HGF: variants seen among roughly 807,000 people sequenced by gnomAD.
HGF encodes the protein fibroblast-derived tumor cytotoxic factor.
HGF carries 39 observed loss-of-function variants against 111.6 expected under a neutral mutation model. That is an observed-to-expected ratio of 0.35 (90% CI 0.27 to 0.46). The LOEUF is 0.46. Ranked by LOEUF, HGF falls within the 20% of genes least tolerant of loss-of-function variation. The pLI is 1.00. For missense variants in HGF, 735 were observed against 910.5 expected (o/e 0.81, Z 2.48); for synonymous variants, 285 against 294.8 (o/e 0.97, Z 0.34).
chr7:81,736,932 G>GTGTGTGTGGTC lies in HGF; in HGVS notation c.865+6420_865+6421insGACCACACACA, dbSNP rs1787850350. On this transcript the variant is annotated intron_variant, in intron 7 of 17. Coordinates refer to ENST00000222390, the MANE Select transcript of HGF (RefSeq NM_000601.6). ...GTGTGTGTGTGTGTGTGTGTGTGGTGTTCTATAGATGAGGAATGATATACT... is the reference window on the plus strand; with the variant it reads ...GTGTGTGTGTGTGTGTGTGTGTGGTGTGTGTGTGGTCTTCTATAGATGAGGAATGATATACT... Among the ~76,000 whole-genome samples the GTGTGTGTGGTC allele has an allele frequency of 9.8e-5, 5 of 50,980 alleles. No homozygotes were observed. In the Admixed American group the frequency reaches 1.2e-3, roughly 12 times the overall value. 33.4% of individuals were successfully genotyped at this position (50,980 alleles called of 152,430 possible). A position where few individuals can be genotyped will look rare whatever the true frequency, so the allele number is the denominator to read the frequency against.
chr7:81,735,330 A>G (rs531675557), intron 7 of HGF, among the ~76,000 whole-genome samples: 1 of 152,196 alleles, frequency 6.6e-6, no homozygotes, highest in Admixed American at 6.6e-5. Context: ...CTTCAATTCT[A>G]TAGCCTTATT....
chr7:81,742,636 G>C lies in HGF; in HGVS notation c.865+717C>G, dbSNP rs117912534. On this transcript the variant is annotated intron_variant, in intron 7 of 17. Transcript: ENST00000222390. ...GTTTAAGAGAACAGTGAAAATGTGT[G>C]ACTTAACCATAGAGGAGAGGACCAA... 268 of 1,034,398 alleles carry C rather than the reference G, an allele frequency of 2.6e-4. 1 individual carries two copies. In the East Asian group the frequency reaches 9.2e-3, roughly 36 times the overall value. The allele number at this position is 1,034,398 out of a possible 1,614,324, so 64.1% of individuals were successfully genotyped here. A position where few individuals can be genotyped will look rare whatever the true frequency, so the allele number is the denominator to read the frequency against.
At chr7:81,705,255 A>C in intron 17 of HGF, 135 bp downstream of exon 17, 1 of 807,836 alleles carries the variant, frequency 1.2e-6, no homozygotes, top group Non-Finnish European at 2.1e-6. Flanking sequence ...TTACAGAGTT[A>C]ATTTTCCCAA....
intron 4 of HGF, chr7:81,755,340 A>G (rs978894146): frequency 6.6e-6 from 1 of 152,168 alleles, no homozygotes; most frequent in African/African-American, 2.4e-5. Flanking sequence ...GTGTTAAACC[A>G]TCATGCAGAT....
intron 1 of HGF, among the ~76,000 whole-genome samples, chr7:81,765,132 A>G (rs1789294640): frequency 6.6e-6 from 1 of 152,118 alleles, no homozygotes; most frequent in South Asian, 2.1e-4. Context: ...CCTAAAAATC[A>G]AAAAGTCTAA....
Position 81,700,787 on chromosome 7 carries a change from G to C in HGF, c.*1794C>G, listed in dbSNP as rs1238365826. 1 of 151,448 alleles carries C rather than the reference G, an allele frequency of 6.6e-6. No homozygotes were observed. The highest frequency in any genetic ancestry group is 1.9e-4 in the East Asian group (1 of 5,154). The allele number at this position is 151,448 out of a possible 1,614,324, so 9.4% of individuals were successfully genotyped here. A position where few individuals can be genotyped will look rare whatever the true frequency, so the allele number is the denominator to read the frequency against. On this transcript the variant is annotated 3_prime_UTR_variant, in exon 18 of 18. Coordinates refer to ENST00000222390, the MANE Select transcript of HGF (RefSeq NM_000601.6). ...TTCCACTTTAAGTTTCTTGATGCCAGCACATATCTTATTATGAAAAAAAAA... is the reference window on the plus strand; with the variant it reads ...TTCCACTTTAAGTTTCTTGATGCCACCACATATCTTATTATGAAAAAAAAA...
At chr7:81,709,414 T>G (rs1171647776) in intron 13 of HGF, among the ~76,000 whole-genome samples, 2 of 152,168 alleles carry the variant, frequency 1.3e-5, no homozygotes, top group Admixed American at 1.3e-4. Context: ...CCAATTAACA[T>G]ACAGAATAAT....
rs979696492 is a variant in HGF at position 81,700,859 on chromosome 7, G to A, written c.*1722C>T. On this transcript the variant is annotated 3_prime_UTR_variant, in exon 18 of 18. Transcript: ENST00000222390. Reference sequence around the variant, plus strand: ...CGCCGCCCTATATTCTGTGGACTAAGCTCTCCATAAACTTAAAACCATTTT... The same window carrying A: ...CGCCGCCCTATATTCTGTGGACTAAACTCTCCATAAACTTAAAACCATTTT... 6.6e-6 allele frequency: 1 copy of A among 151,498 alleles called. No homozygotes were observed. The highest frequency in any genetic ancestry group is 2.4e-5 in the African/African-American group (1 of 41,356). 9.4% of individuals were successfully genotyped at this position (151,498 alleles called of 1,614,324 possible).
intron 1 of HGF, 134 bp from the exon 2 acceptor site, chr7:81,763,006 G>A (rs1215438913): frequency 2.3e-5 from 15 of 639,250 alleles, no homozygotes; most frequent in Non-Finnish European, 3.6e-5. Context: ...CCAGGGGTTA[G>A]GAGCAGAGTG....
At chr7:81,725,021 C>T (rs1434884684) in intron 9 of HGF, among the ~76,000 whole-genome samples, 1 of 152,224 alleles carries the variant, frequency 6.6e-6, no homozygotes, top group African/African-American at 2.4e-5. Flanking sequence ...GGTCAAGTCA[C>T]TCCCATCTGT....
At chr7:81,749,747 T>C (rs529232926) in intron 5 of HGF, among the ~76,000 whole-genome samples, 1 of 152,176 alleles carries the variant, frequency 6.6e-6, no homozygotes, top group East Asian at 1.9e-4. Flanking sequence ...ATTGACTATA[T>C]TTTCAAGTTT....
chr7:81,699,344 C>A lies in HGF; in HGVS notation c.*3237G>T, dbSNP rs868717127. The stretch of plus-strand genomic sequence containing the variant: ...TGTATTAGTAAATTCTTAGCTCCAA[C>A]CTTAGTTGAATGTTGAATGATAACT... On this transcript the variant is annotated 3_prime_UTR_variant, in exon 18 of 18. Transcript: ENST00000222390. 1 of 151,556 alleles carries A rather than the reference C, an allele frequency of 6.6e-6. No individual in the cohort carries two copies. The highest frequency in any genetic ancestry group is 2.4e-5 in the African/African-American group (1 of 41,494). The allele number at this position is 151,556 out of a possible 1,614,324, so 9.4% of individuals were successfully genotyped here.
intron 15 of HGF, 67 bp from the exon 16 acceptor site, chr7:81,705,820 G>A: frequency 2.2e-6 from 2 of 909,240 alleles, no homozygotes. Flanking sequence ...CATATTAAAT[G>A]TAGTGTTCAT....
chr7:81,707,290 C>G lies in HGF; in HGVS notation c.1616G>C (p.Arg539Pro). The G allele has an allele frequency of 6.4e-7, 1 of 1,555,806 alleles. No homozygotes were observed. Among genetic ancestry groups the G allele is most frequent in the Non-Finnish European group, 8.9e-7 (1 of 1,127,738 alleles). Residue 539 changes from arginine to proline, a missense_variant and splice_region_variant, in exon 14 of 18, where the codon CGA (arginine) becomes CCA (proline). By Grantham distance (103) the Arg-to-Pro change is moderately radical. Around this residue, in one of 3 missense-constraint regions of HGF, gnomAD observed 553 missense variants for 685.6 expected, o/e 0.81. Coordinates refer to ENST00000222390, the MANE Select transcript of HGF (RefSeq NM_000601.6). Reference sequence around the variant, plus strand: ...AATACTAGTTTTAAAAACACTTTACCGAGAAGGGAAACACTGTCGTGCAGT... The same window carrying G: ...AATACTAGTTTTAAAAACACTTTACGGAGAAGGGAAACACTGTCGTGCAGT... ...VLTARQCFPS[R>P]DLKDYEAWLG...
intron 4 of HGF, chr7:81,755,371 G>T (rs1788710284): frequency 6.6e-6 from 1 of 152,050 alleles, no homozygotes; most frequent in Non-Finnish European, 1.5e-5. Context: ...GCTGCTAATT[G>T]ATGAAAATTA....
At chr7:81,717,895 A>C (rs1034242424) in intron 10 of HGF, among the ~76,000 whole-genome samples, 1 of 152,176 alleles carries the variant, frequency 6.6e-6, no homozygotes, top group Admixed American at 6.5e-5. Flanking sequence ...ACAAAATATT[A>C]TTTTGACAGA....
At chr7:81,754,545 C>A (rs190465858) in intron 4 of HGF, among the ~76,000 whole-genome samples, 1 of 151,778 alleles carries the variant, frequency 6.6e-6, no homozygotes, top group Non-Finnish European at 1.5e-5. Flanking sequence ...GGCCAAAACA[C>A]GAATAAAATT....
intron 7 of HGF, among the ~76,000 whole-genome samples, chr7:81,733,146 A>G (rs1787720152): frequency 1.3e-5 from 2 of 152,006 alleles, no homozygotes; most frequent in South Asian, 2.1e-4. Context: ...TTGAACATTC[A>G]TTTTTTAAAA....
At chr7:81,755,320 A>G (rs546860607) in intron 4 of HGF, 1 of 152,258 alleles carries the variant, frequency 6.6e-6, no homozygotes, top group South Asian at 2.1e-4. Flanking sequence ...TCTTTAGTCA[A>G]CACTTAAAAG....
Sources: allele counts gnomAD v4.1 joint callset (sites outside exome capture counted in the v4.1 genomes callset), GRCh38; gene constraint gnomAD v4.1.1; regional missense constraint gnomAD v4.1.1; transcripts MANE v1.5; gene names NCBI Gene and HGNC (gene_info 2026-07-23, HGNC 2026-07-21).